CPA6: variants seen among roughly 807,000 people sequenced by gnomAD.
The protein encoded by CPA6 is carboxypeptidase B.
In CPA6, 58 loss-of-function variants were observed where a neutral mutation model predicts 63.3. The observed-to-expected ratio is 0.92, with a 90% CI of 0.74 to 1.14. CPA6 has a LOEUF of 1.14. CPA6 is among the 50% of genes most tolerant of loss of function. The pLI is 0.00. For missense variants in CPA6, 565 were observed against 526.6 expected, an observed-to-expected ratio of 1.07 and a Z score of -0.71; for synonymous variants, 185 against 179.0, an observed-to-expected ratio of 1.03 and a Z score of -0.27.
intron 1 of CPA6, among the ~76,000 whole-genome samples, chr8:67,728,218 C>T (rs1338958820): frequency 6.6e-6 from 1 of 152,108 alleles, no homozygotes; most frequent in Admixed American, 6.5e-5. Context: ...ATTTACTACC[C>T]CTTGACATTT....
chr8:67,585,495 G>C (rs1030716047), intron 2 of CPA6, among the ~76,000 whole-genome samples: 2 of 151,884 alleles, frequency 1.3e-5, no homozygotes, highest in African/African-American at 2.4e-5. Context: ...TTAGACATGG[G>C]GGCATGAGTT....
chr8:67,649,986 A>G (rs1815800531), intron 1 of CPA6, among the ~76,000 whole-genome samples: 1 of 152,208 alleles, frequency 6.6e-6, no homozygotes, highest in Non-Finnish European at 1.5e-5. Flanking sequence ...GCTGAGACTC[A>G]GGAAGTCAGA....
intron 8 of CPA6, among the ~76,000 whole-genome samples, chr8:67,455,693 A>AAAAAAAAAAAT (rs1810658803): frequency 7.0e-6 from 1 of 142,032 alleles, no homozygotes; most frequent in African/African-American, 2.6e-5. Flanking sequence ...AAAAAAAAAA[A>AAAAAAAAAAAT]GAAAATGATT....
intron 2 of CPA6, among the ~76,000 whole-genome samples, chr8:67,540,845 C>T (rs1812689091): frequency 6.6e-6 from 1 of 152,162 alleles, no homozygotes; most frequent in African/African-American, 2.4e-5. Context: ...ATGGTGGACG[C>T]CCCTCCCCCG....
intron 2 of CPA6, among the ~76,000 whole-genome samples, chr8:67,586,296 T>C (rs1813932494): frequency 6.6e-6 from 1 of 152,086 alleles, no homozygotes; most frequent in Non-Finnish European, 1.5e-5. Flanking sequence ...GAGCCGCCAA[T>C]AGGGGCTTCT....
At position 67,636,890 on chromosome 8, in the gene CPA6, T is replaced by C. The variant is rs892189751; in HGVS notation, c.117-12639A>G. Among the ~76,000 whole-genome samples the C allele has an allele frequency of 8.6e-5, 13 of 151,618 alleles. 1 individual carries two copies. The highest frequency in any genetic ancestry group is 1.3e-4 in the Non-Finnish European group (9 of 68,038). On this transcript the variant is annotated intron_variant, in intron 1 of 10. Transcript: ENST00000297770. ...CCTTTGTTGAAAGATTATGTTTTGA[T>C]GCACATGAAAAATTTCATTAAAAAG...
intron 1 of CPA6, among the ~76,000 whole-genome samples, chr8:67,737,936 T>G (rs1312203528): frequency 2.6e-5 from 4 of 152,216 alleles, no homozygotes; most frequent in Non-Finnish European, 5.9e-5. Context: ...TGCTTCCTCA[T>G]ATATTGTAAA....
At chr8:67,728,503 G>A (rs573265582) in intron 1 of CPA6, among the ~76,000 whole-genome samples, 1 of 152,246 alleles carries the variant, frequency 6.6e-6, no homozygotes, top group East Asian at 1.9e-4. Flanking sequence ...CTTTCTCATT[G>A]TTGAACACAT....
At chr8:67,519,308 T>C (rs1812213185) in intron 2 of CPA6, among the ~76,000 whole-genome samples, 1 of 152,170 alleles carries the variant, frequency 6.6e-6, no homozygotes, top group Non-Finnish European at 1.5e-5. Context: ...CATTTCTAAT[T>C]AGGCACAGTT....
intron 1 of CPA6, among the ~76,000 whole-genome samples, chr8:67,680,197 T>C (rs1263281702): frequency 6.6e-6 from 1 of 152,160 alleles, no homozygotes; most frequent in African/African-American, 2.4e-5. Context: ...TCCAAGGCAA[T>C]GAAGTAACTG....
chr8:67,644,360 C>T (rs1027320585), intron 1 of CPA6, among the ~76,000 whole-genome samples: 1 of 152,172 alleles, frequency 6.6e-6, no homozygotes, highest in Non-Finnish European at 1.5e-5. Context: ...CCTCGTGATC[C>T]GCCCGCCTCG....
intron 1 of CPA6, among the ~76,000 whole-genome samples, chr8:67,656,309 C>T (rs1306835666): frequency 6.6e-6 from 1 of 152,154 alleles, no homozygotes; most frequent in African/African-American, 2.4e-5. Context: ...ACTGTAAACA[C>T]TGTTGATTTA....
intron 6 of CPA6, among the ~76,000 whole-genome samples, chr8:67,505,608 T>G (rs1222494890): frequency 6.6e-6 from 1 of 152,210 alleles, no homozygotes; most frequent in South Asian, 2.1e-4. Flanking sequence ...TATTAGCTTT[T>G]GCATTTGTCC....
At chr8:67,689,802 T>C (rs7009860) in intron 1 of CPA6, among the ~76,000 whole-genome samples, 71,364 of 152,068 alleles carry the variant, frequency 0.47, 19,905 homozygotes, top group African/African-American at 0.79. Flanking sequence ...GTAATGGGAT[T>C]ACTGGGTTGA....
chr8:67,590,525 A>G (rs1215583155), intron 2 of CPA6, among the ~76,000 whole-genome samples: 2 of 150,294 alleles, frequency 1.3e-5, no homozygotes, highest in Non-Finnish European at 3.0e-5. Flanking sequence ...AAGTGTTCCT[A>G]TTTCTCCACA....
chr8:67,507,805 T>C (rs1468214398), intron 5 of CPA6, among the ~76,000 whole-genome samples: 1 of 152,134 alleles, frequency 6.6e-6, no homozygotes, highest in Non-Finnish European at 1.5e-5. Flanking sequence ...ACTTGAGTAC[T>C]TCAGCAAGAC....
chr8:67,471,543 G>A (rs1400865869), intron 8 of CPA6, among the ~76,000 whole-genome samples: 1 of 151,250 alleles, frequency 6.6e-6, no homozygotes, highest in Non-Finnish European at 1.5e-5. Flanking sequence ...TTGTTTTTTG[G>A]CACCTTCTGT....
At chr8:67,634,404 G>C (rs188164001) in intron 1 of CPA6, among the ~76,000 whole-genome samples, 12 of 151,058 alleles carry the variant, frequency 7.9e-5, no homozygotes. Flanking sequence ...ATTTTTAGTG[G>C]AGACGGGGTT....
At chr8:67,538,512 GTTT>G (rs139665944) in intron 2 of CPA6, among the ~76,000 whole-genome samples, 14 of 90,770 alleles carry the variant, frequency 1.5e-4, no homozygotes, top group South Asian at 4.2e-4. Flanking sequence ...TGCAACCCCT[GTTT>G]TTTTTTTTTT....
Sources: gnomAD v4.1 joint callset for allele counts (sites outside exome capture counted in the v4.1 genomes callset) on GRCh38, gnomAD v4.1.1 for gene constraint, MANE v1.5 for transcripts, NCBI Gene and HGNC (gene_info 2026-07-23, HGNC 2026-07-21) for gene names.